SPAG16: variants seen among roughly 807,000 people sequenced by gnomAD.
SPAG16 encodes sperm associated antigen 16.
SPAG16 carries 86 observed loss-of-function variants against 80.4 expected under a neutral mutation model. That is an observed-to-expected ratio of 1.07 (90% CI 0.90 to 1.28). The LOEUF is 1.28. SPAG16 is among the 50% of genes most tolerant of loss of function. The pLI is 0.00. For synonymous variants in SPAG16, 294 were observed against 265.9 expected, an observed-to-expected ratio of 1.11 and a Z score of -1.03; for missense variants, 870 against 765.3, an observed-to-expected ratio of 1.14 and a Z score of -1.61.
chr2:213,846,254 C>T (rs1427555497), intron 10 of SPAG16, among the ~76,000 whole-genome samples: 4 of 151,842 alleles, frequency 2.6e-5, no homozygotes, highest in Non-Finnish European at 5.9e-5. Context: ...CAGTTGAAGC[C>T]TGTTTAGAAA....
chr2:213,617,672 G>T (rs1031428841), intron 10 of SPAG16, among the ~76,000 whole-genome samples: 2 of 152,028 alleles, frequency 1.3e-5, no homozygotes, highest in African/African-American at 4.8e-5. Context: ...AATGAGCAAG[G>T]CATAGTGGCA....
At chr2:213,560,697 A>G (rs535112460) in intron 10 of SPAG16, among the ~76,000 whole-genome samples, 11 of 152,160 alleles carry the variant, frequency 7.2e-5, no homozygotes, top group Non-Finnish European at 1.3e-4. Context: ...TTTCTCCACA[A>G]TGTGAGTTAA....
intron 9 of SPAG16, among the ~76,000 whole-genome samples, chr2:213,475,925 T>C (rs2073349932): frequency 6.6e-6 from 1 of 152,216 alleles, no homozygotes; most frequent in Admixed American, 6.5e-5. Flanking sequence ...TGTTGATTCC[T>C]GACATGGTGG....
At chr2:214,291,817 A>G (rs1693826041) in intron 15 of SPAG16, among the ~76,000 whole-genome samples, 1 of 151,984 alleles carries the variant, frequency 6.6e-6, no homozygotes, top group Non-Finnish European at 1.5e-5. Context: ...TTTGGGTTGT[A>G]TCTCTTCTTC....
chr2:214,281,728 G>C (rs930576000), intron 15 of SPAG16, among the ~76,000 whole-genome samples: 3 of 152,082 alleles, frequency 2.0e-5, no homozygotes, highest in Non-Finnish European at 4.4e-5. Context: ...TCCATACAAA[G>C]ACTTGTACCC....
At chr2:213,687,654 A>G (rs1350560107) in intron 10 of SPAG16, among the ~76,000 whole-genome samples, 14 of 152,126 alleles carry the variant, frequency 9.2e-5, no homozygotes, top group Admixed American at 9.2e-4. Context: ...TTGTAAAGGC[A>G]TATGTTTTTT....
intron 15 of SPAG16, among the ~76,000 whole-genome samples, chr2:214,210,178 AT>A (rs1005543394): frequency 9.2e-5 from 14 of 152,072 alleles, no homozygotes; most frequent in African/African-American, 3.1e-4. Context: ...TATCAGAAAT[AT>A]TTTTTAAGTA....
At chr2:213,418,364 A>G (rs997916164) in intron 9 of SPAG16, among the ~76,000 whole-genome samples, 1 of 152,172 alleles carries the variant, frequency 6.6e-6, no homozygotes, top group African/African-American at 2.4e-5. Flanking sequence ...TGGAGCTCCT[A>G]AAGGATGTTC....
intron 5 of SPAG16, among the ~76,000 whole-genome samples, chr2:213,336,034 C>T (rs950889732): frequency 5.3e-5 from 8 of 151,894 alleles, no homozygotes; most frequent in African/African-American, 1.7e-4. Flanking sequence ...AGGTGGTTGG[C>T]GCAACCCAGG....
chr2:213,467,546 A>G (rs1041865624), intron 9 of SPAG16, among the ~76,000 whole-genome samples: 2 of 152,192 alleles, frequency 1.3e-5, no homozygotes, highest in Admixed American at 6.5e-5. Flanking sequence ...CCTCATAGGC[A>G]TGCTAAGGGA....
chr2:213,521,791 C>T (rs2075682664), intron 10 of SPAG16, among the ~76,000 whole-genome samples: 1 of 152,136 alleles, frequency 6.6e-6, no homozygotes, highest in South Asian at 2.1e-4. Flanking sequence ...TATAGTACTC[C>T]CATGCTGTAA....
intron 10 of SPAG16, among the ~76,000 whole-genome samples, chr2:213,740,435 C>T (rs2067493891): frequency 6.6e-6 from 1 of 152,056 alleles, no homozygotes; most frequent in Admixed American, 6.6e-5. Context: ...TGCTCACTAC[C>T]AAAAAGAGGT....
chr2:213,477,301 G>C (rs902769259), intron 9 of SPAG16, among the ~76,000 whole-genome samples: 3 of 152,156 alleles, frequency 2.0e-5, no homozygotes, highest in Non-Finnish European at 4.4e-5. Flanking sequence ...TATCAATGGG[G>C]CACTGCCTAA....
intron 15 of SPAG16, among the ~76,000 whole-genome samples, chr2:214,329,712 T>C (rs947324910): frequency 7.2e-5 from 11 of 152,210 alleles, no homozygotes; most frequent in Admixed American, 5.2e-4. Flanking sequence ...TTTAAGTTAG[T>C]TTCTGTTGAA....
At chr2:213,461,679 G>A (rs2072371440) in intron 9 of SPAG16, among the ~76,000 whole-genome samples, 1 of 152,158 alleles carries the variant, frequency 6.6e-6, no homozygotes, top group African/African-American at 2.4e-5. Flanking sequence ...AATCATGAAA[G>A]CAAGAAGAGG....
At chr2:213,381,773 A>G (rs191386197) in intron 9 of SPAG16, among the ~76,000 whole-genome samples, 1 of 152,366 alleles carries the variant, frequency 6.6e-6, no homozygotes, top group Non-Finnish European at 1.5e-5. Flanking sequence ...ATCTTATCTC[A>G]GAATTTCCAA....
chr2:213,522,068 A>G (rs2125851741), intron 10 of SPAG16, among the ~76,000 whole-genome samples: 1 of 152,360 alleles, frequency 6.6e-6, no homozygotes, highest in East Asian at 1.9e-4. Context: ...TTCAATATAA[A>G]GAGGTTCTAA....
In SPAG16 at chr2:214,019,439, C is replaced by T. The variant is rs191562022; in HGVS notation, c.1527+5362C>T. Among the ~76,000 whole-genome samples, 46 of 152,262 alleles carry T rather than the reference C, an allele frequency of 3.0e-4. No individual in the cohort carries two copies. In the East Asian group the frequency reaches 5.2e-3, roughly 17 times the overall value. Reference sequence around the variant, plus strand: ...GAGTCAGACACAGAGGGTTCATGACCTGGACTGCCTTTAGTGGCCATTCCT... The same window carrying T: ...GAGTCAGACACAGAGGGTTCATGACTTGGACTGCCTTTAGTGGCCATTCCT... On this transcript the variant is annotated intron_variant, in intron 13 of 15. Transcript: ENST00000331683.
chr2:213,733,700 T>C (rs960770840), intron 10 of SPAG16, among the ~76,000 whole-genome samples: 30 of 152,114 alleles, frequency 2.0e-4, no homozygotes, highest in African/African-American at 7.0e-4. Context: ...GGTGTCCTCA[T>C]CAATTTATGG....
Sources: gnomAD v4.1 joint callset for allele counts (sites outside exome capture counted in the v4.1 genomes callset) on GRCh38, gnomAD v4.1.1 for gene constraint, MANE v1.5 for transcripts, NCBI Gene and HGNC (gene_info 2026-07-23, HGNC 2026-07-21) for gene names.